Variants in FANCB observed in about 807,000 individuals in gnomAD.
The protein encoded by FANCB is FA complementation group B.
A neutral mutation model predicts 38.9 loss-of-function variants in FANCB; 5 were observed. That is an observed-to-expected ratio of 0.13 (90% CI 0.07 to 0.27). FANCB has a LOEUF of 0.27. Among genes scored for constraint, FANCB ranks in the 10% least tolerant of loss-of-function variants. The pLI is 1.00. For missense variants in FANCB, 573 were observed against 602.7 expected, an observed-to-expected ratio of 0.95 and a Z score of 0.52; for synonymous variants, 236 against 215.4, an observed-to-expected ratio of 1.10 and a Z score of -0.84.
downstream of FANCB, among the ~76,000 whole-genome samples, chrX:14,839,330 A>C (rs1462575501): frequency 9.0e-6 from 1 of 110,865 alleles, no homozygotes; most frequent in Non-Finnish European, 1.9e-5. Context: ...AAAAAAACGG[A>C]AAGAAAGAAA....
At chrX:14,716,056 G>A in the FANCB span, among the ~76,000 whole-genome samples, 1 of 111,566 alleles carries the variant, frequency 9.0e-6, no homozygotes, top group Admixed American at 9.5e-5. Context: ...TGACTGTATA[G>A]TATGCATACT....
the FANCB span, among the ~76,000 whole-genome samples, chrX:14,763,396 G>C: frequency 1.8e-5 from 2 of 111,815 alleles, no homozygotes; most frequent in Non-Finnish European, 3.8e-5. Context: ...CACAAACTTA[G>C]CATCGCGGGG....
chrX:14,820,278 G>C, the FANCB span, among the ~76,000 whole-genome samples: 2 of 109,945 alleles, frequency 1.8e-5, no homozygotes, highest in Admixed American at 9.7e-5. Context: ...TTCCCTTCTT[G>C]TTCCTCTGCC....
At chrX:14,803,799 C>T in the FANCB span, among the ~76,000 whole-genome samples, 22 of 111,240 alleles carry the variant, frequency 2.0e-4, no homozygotes, top group Non-Finnish European at 5.7e-5. Context: ...AAAAAACACA[C>T]AACCCCATCA....
the FANCB span, among the ~76,000 whole-genome samples, chrX:14,768,477 A>T: frequency 9.0e-6 from 1 of 111,515 alleles, no homozygotes; most frequent in African/African-American, 3.3e-5. Context: ...TTGTTGGTGT[A>T]TAAGACTGTT....
chrX:14,866,070 T>TTC (rs2092468613), intron 2 of FANCB, among the ~76,000 whole-genome samples: 1 of 111,803 alleles, frequency 8.9e-6, no homozygotes, highest in African/African-American at 3.3e-5. Context: ...GCAATTGGGC[T>TTC]TCTGCTTTCT....
the FANCB span, among the ~76,000 whole-genome samples, chrX:14,809,186 G>A: frequency 1.8e-5 from 2 of 112,183 alleles, no homozygotes; most frequent in South Asian, 7.3e-4. Context: ...AAAACAATAT[G>A]AGGGAGCTAG....
At chrX:14,695,795 G>A in the FANCB span, among the ~76,000 whole-genome samples, 1 of 111,830 alleles carries the variant, frequency 8.9e-6, no homozygotes, top group Non-Finnish European at 1.9e-5. Context: ...TCAGCTAAGA[G>A]TATGGTGGAA....
At chrX:14,761,128 T>A in the FANCB span, among the ~76,000 whole-genome samples, 49 of 112,143 alleles carry the variant, frequency 4.4e-4, no homozygotes, top group Admixed American at 4.6e-3. Context: ...AAAGATTGAA[T>A]TTTATCCCTA....
chrX:14,805,802 A>G, the FANCB span, among the ~76,000 whole-genome samples: 1 of 111,925 alleles, frequency 8.9e-6, no homozygotes, highest in Non-Finnish European at 1.9e-5. Context: ...ACTTACCAAG[A>G]TCATCCATTA....
chrX:14,704,301 T>C, the FANCB span, among the ~76,000 whole-genome samples: 1 of 112,659 alleles, frequency 8.9e-6, no homozygotes, highest in South Asian at 3.6e-4. Context: ...AAGGCTATGA[T>C]GGCAGATACC....
downstream of FANCB, among the ~76,000 whole-genome samples, chrX:14,833,359 G>A (rs2092332140): frequency 9.0e-6 from 1 of 111,593 alleles, no homozygotes; most frequent in South Asian, 3.7e-4. Flanking sequence ...CTTTGAAGAG[G>A]GTTACTTATT....
chrX:14,826,205 T>C, the FANCB span, among the ~76,000 whole-genome samples: 1 of 111,864 alleles, frequency 8.9e-6, no homozygotes, highest in Admixed American at 9.5e-5. Flanking sequence ...TGAAAACTGT[T>C]TGTGCATTTA....
chrX:14,724,638 A>C, the FANCB span, among the ~76,000 whole-genome samples: 1 of 106,633 alleles, frequency 9.4e-6, no homozygotes, highest in Non-Finnish European at 1.9e-5. Context: ...AAAAAAAAAA[A>C]AAAAAAAAAA....
At chrX:14,835,284 C>A (rs186297070), downstream of FANCB, 2,983 of 505,598 alleles carry the variant, frequency 5.9e-3, 84 homozygotes, top group Admixed American at 0.067. Context: ...GTTCTGGGGC[C>A]TCAGGGGGCT....
the FANCB span, among the ~76,000 whole-genome samples, chrX:14,798,204 G>A: frequency 4.6e-5 from 5 of 108,470 alleles, no homozygotes; most frequent in East Asian, 8.6e-4. Context: ...GCTGGAATGC[G>A]GTGGCGTGAT....
At chrX:14,756,276 G>C in the FANCB span, among the ~76,000 whole-genome samples, 2 of 111,664 alleles carry the variant, frequency 1.8e-5, no homozygotes, top group Non-Finnish European at 3.8e-5. Context: ...AGGCTTTTTG[G>C]ATAAGACCTG....
chrX:14,840,086 C>G (rs1274649882), downstream of FANCB, among the ~76,000 whole-genome samples: 1 of 111,756 alleles, frequency 8.9e-6, no homozygotes, highest in African/African-American at 3.3e-5. Context: ...AACTCCTGAC[C>G]TCAGGTGATC....
the FANCB span, among the ~76,000 whole-genome samples, chrX:14,823,684 G>A: frequency 9.0e-6 from 1 of 111,233 alleles, no homozygotes; most frequent in Non-Finnish European, 1.9e-5. Context: ...ATTTGTTAAG[G>A]TAAATTTACT....
Sources: allele counts gnomAD v4.1 joint callset (sites outside exome capture counted in the v4.1 genomes callset), GRCh38; gene constraint gnomAD v4.1.1; transcripts MANE v1.5; gene names NCBI Gene and HGNC (gene_info 2026-07-23, HGNC 2026-07-21).